YLPM1: variants seen among roughly 807,000 people sequenced by gnomAD.
YLPM1 encodes the protein YLP motif-containing protein 1.
YLPM1 carries 99 observed loss-of-function variants against 230.0 expected under a neutral mutation model. The observed-to-expected ratio is 0.43, with a 90% CI of 0.37 to 0.51. The LOEUF is 0.51. Ranked by LOEUF, YLPM1 falls within the 20% of genes least tolerant of loss-of-function variation. The probability of loss-of-function intolerance (pLI) is 0.00; values close to 1 mark genes in which losing one functional copy is unlikely to be tolerated. For synonymous variants in YLPM1, 984 were observed against 942.5 expected (o/e 1.04, Z -0.81); for missense variants, 2,592 against 2,707.7 (o/e 0.96, Z 0.95).
intron 17 of YLPM1, among the ~76,000 whole-genome samples, chr14:74,822,896 T>C (rs76622895): frequency 0.013 from 1,981 of 152,230 alleles, 20 homozygotes; most frequent in Middle Eastern, 0.031. Context: ...CCTTTAGTGC[T>C]TCAGTGAACC....
At chr14:74,801,027 G>A (rs911348210) in intron 5 of YLPM1, among the ~76,000 whole-genome samples, 1 of 152,150 alleles carries the variant, frequency 6.6e-6, no homozygotes, top group Non-Finnish European at 1.5e-5. Flanking sequence ...TAAAATCTGT[G>A]TTATTTATGG....
chr14:74,773,274 C>T (rs1330865164), intron 1 of YLPM1, among the ~76,000 whole-genome samples: 1 of 151,524 alleles, frequency 6.6e-6, no homozygotes, highest in Non-Finnish European at 1.5e-5. Context: ...GGCGACAGAG[C>T]GAGACTCCAT....
rs1296465125 is a variant in YLPM1, at chr14:74,816,964, G to A, written c.5719G>A (p.Glu1907Lys). The A allele has an allele frequency of 6.3e-7, 1 of 1,595,932 alleles. No individual in the cohort carries two copies. The highest frequency in any genetic ancestry group is 1.8e-5 in the Admixed American group (1 of 55,470). The change falls in exon 14 of 21, where the codon GAG becomes AAG. Residue 1907 changes from glutamate (E) to lysine (K), a missense_variant. Coordinates refer to ENST00000325680, the MANE Select transcript of YLPM1 (RefSeq NM_019589.3). ...MEYEYEAEME[E>K]TYRTSMFKTF... ...ATATGAATATGAAGCTGAGATGGAG[G>A]AGACTTACCGCACCAGCATGTTCAA...
chr14:74,782,397 G>T, intron 4 of YLPM1, 72 bp downstream of exon 4: 3 of 1,441,048 alleles, frequency 2.1e-6, no homozygotes, highest in South Asian at 3.2e-5. Context: ...GGTTCTCGAT[G>T]GTATAAAAAG....
chr14:74,806,459 G>A (rs2091379341), intron 6 of YLPM1, among the ~76,000 whole-genome samples: 1 of 152,174 alleles, frequency 6.6e-6, no homozygotes, highest in Admixed American at 6.5e-5. Context: ...GCGCCAGGTG[G>A]TGCGCACCTG....
chr14:74,775,306 G>A (rs2091024148), intron 1 of YLPM1, among the ~76,000 whole-genome samples: 1 of 152,146 alleles, frequency 6.6e-6, no homozygotes, highest in South Asian at 2.1e-4. Flanking sequence ...ATAAAAAGAG[G>A]GGAAGGCAGC....
At chr14:74,818,850 G>A (rs1044476884) in intron 16 of YLPM1, among the ~76,000 whole-genome samples, 13 of 152,118 alleles carry the variant, frequency 8.5e-5, no homozygotes, top group Non-Finnish European at 1.6e-4. Context: ...TGTCATGAAA[G>A]ATAAAGAATT....
At chr14:74,768,447 A>G (rs750327642) in intron 1 of YLPM1, among the ~76,000 whole-genome samples, 2 of 152,116 alleles carry the variant, frequency 1.3e-5, no homozygotes, top group African/African-American at 2.4e-5. Flanking sequence ...GGGTTTCACC[A>G]TGTTGGTCAG....
chr14:74,793,438 T>C (rs2140103161), intron 4 of YLPM1, among the ~76,000 whole-genome samples: 1 of 152,292 alleles, frequency 6.6e-6, no homozygotes, highest in East Asian at 1.9e-4. Flanking sequence ...TTTTCTGTGG[T>C]TCTTCTGGCG....
intron 4 of YLPM1, among the ~76,000 whole-genome samples, chr14:74,792,952 CACTT>C (rs2091221484): frequency 6.6e-6 from 1 of 152,210 alleles, no homozygotes; most frequent in South Asian, 2.1e-4. Context: ...TCTAATCTCA[CACTT>C]ACTTGCTAAT....
At chr14:74,814,324 G>C (rs2091460084) in intron 11 of YLPM1, among the ~76,000 whole-genome samples, 1 of 152,204 alleles carries the variant, frequency 6.6e-6, no homozygotes, top group South Asian at 2.1e-4. Flanking sequence ...TCGCGCCACT[G>C]CACTCCAGCC....
intron 4 of YLPM1, among the ~76,000 whole-genome samples, chr14:74,788,660 A>G (rs898405083): frequency 1.3e-5 from 2 of 152,154 alleles, no homozygotes; most frequent in Non-Finnish European, 2.9e-5. Flanking sequence ...CTTGGGCAAC[A>G]TAGTGAGACC....
At chr14:74,778,768 A>G (rs1251209035) in intron 2 of YLPM1, 85 bp downstream of exon 2, 7 of 1,297,372 alleles carry the variant, frequency 5.4e-6, no homozygotes, top group Middle Eastern at 2.7e-4. Flanking sequence ...ATAAATGGAT[A>G]TATATTTTTG....
Position 74,799,302 on chromosome 14 carries a change from G to A in YLPM1, c.4005G>A (p.Pro1335=), listed in dbSNP as rs773688684. The change falls in exon 5 of 21, where the codon CCG becomes CCA. Residue 1335 remains proline (P), a synonymous_variant. Coordinates refer to ENST00000325680, the MANE Select transcript of YLPM1 (RefSeq NM_019589.3). ...ATATTCCATCTCTTCCACCTTTACC[G>A]CCCCTCCCACCTCTTCCACCTTTGG... The part of the protein sequence containing the change: ...ERDIPSLPPL[P]PLPPLPPLDR... The A allele has an allele frequency of 8.4e-5, 136 of 1,613,934 alleles. No individual in the cohort carries two copies. In the East Asian group the frequency reaches 2.8e-3, roughly 33 times the overall value.
chr14:74,829,442 A>T (rs916517511), intron 19 of YLPM1, 99 bp downstream of exon 19: 2 of 1,506,288 alleles, frequency 1.3e-6, no homozygotes, highest in African/African-American at 2.8e-5. Flanking sequence ...TGCTATTTTT[A>T]GAATGATTTA....
chr14:74,836,155 A>G lies in YLPM1; in HGVS notation c.*417A>G. On this transcript the variant is annotated 3_prime_UTR_variant, in exon 21 of 21. Transcript: ENST00000325680. Reference sequence around the variant, plus strand: ...CTAGGATTAAAAACAATAAACTTTCATGATAAAGCCGATGAGATTCATGGG... The same window carrying G: ...CTAGGATTAAAAACAATAAACTTTCGTGATAAAGCCGATGAGATTCATGGG... The G allele has an allele frequency of 5.2e-6, 1 of 193,464 alleles. No homozygotes were observed. Among genetic ancestry groups the G allele is most frequent in the Non-Finnish European group, 1.1e-5 (1 of 93,086 alleles). The allele number at this position is 193,464 out of a possible 1,614,324, so 12.0% of individuals were successfully genotyped here.
rs767180178 is a variant in YLPM1, at chr14:74,799,326, G to A, written c.4029G>A (p.Leu1343=). 2.5e-6 allele frequency: 4 copies of A among 1,613,978 alleles called. No homozygotes were observed. Among genetic ancestry groups the A allele is most frequent in the Non-Finnish European group, 3.4e-6 (4 of 1,179,896 alleles). The stretch of plus-strand genomic sequence containing the variant: ...CGCCCCTCCCACCTCTTCCACCTTT[G>A]GATAGATATCGGGATGATAGATGGA... ...PLPPLPPLPP[L]DRYRDDRWRE... is the part of the protein sequence containing the mutation. The change falls in exon 5 of 21, where the codon TTG becomes TTA. Residue 1343 remains leucine (L), a synonymous_variant. Transcript: ENST00000325680.
At position 74,809,539 on chromosome 14, in the gene YLPM1, G is replaced by C; in HGVS notation, c.4681G>C (p.Val1561Leu). Reference protein sequence around the residue: ...PPPPLPPPPPVIKPQTSAVEQ... With the variant: ...PPPPLPPPPPLIKPQTSAVEQ... ...TCCACCTCTACCTCCTCCTCCTCCAGTGATAAAGCCACAAACTTCAGCTGT... is the reference window on the plus strand; with the variant it reads ...TCCACCTCTACCTCCTCCTCCTCCACTGATAAAGCCACAAACTTCAGCTGT... Residue 1561 changes from valine (V) to leucine (L), a missense_variant, in exon 7 of 21, where the codon GTG (valine) becomes CTG (leucine). Physicochemically the swap from Val to Leu is conservative, Grantham distance 32. Transcript: ENST00000325680. The C allele has an allele frequency of 6.3e-7, 1 of 1,596,442 alleles. No homozygotes were observed. Among genetic ancestry groups the C allele is most frequent in the Non-Finnish European group, 8.5e-7 (1 of 1,170,872 alleles).
chr14:74,828,692 C>A (rs1007574544), intron 18 of YLPM1, among the ~76,000 whole-genome samples: 9 of 151,898 alleles, frequency 5.9e-5, no homozygotes, highest in Non-Finnish European at 1.0e-4. Context: ...ATGGTGAATG[C>A]ACTCACAGCA....
Sources: gnomAD v4.1 joint callset for allele counts (sites outside exome capture counted in the v4.1 genomes callset) on GRCh38, gnomAD v4.1.1 for gene constraint, MANE v1.5 for transcripts, NCBI Gene and HGNC (gene_info 2026-07-23, HGNC 2026-07-21) for gene names.